Variants in RUNDC3B observed in about 807,000 individuals in gnomAD.
RUNDC3B encodes RUN domain containing 3B.
In RUNDC3B, 33 loss-of-function variants were observed where a neutral mutation model predicts 58.4. That is an observed-to-expected ratio of 0.56 (90% CI 0.43 to 0.75). RUNDC3B has a LOEUF of 0.75. RUNDC3B is among the 30% of genes least tolerant of loss of function. RUNDC3B has a pLI of 0.00. For synonymous variants in RUNDC3B, 193 were observed against 195.2 expected (o/e 0.99, Z 0.10); for missense variants, 501 against 535.7 (o/e 0.94, Z 0.64).
At chr7:87,674,231 G>A (rs1252054871) in intron 2 of RUNDC3B, among the ~76,000 whole-genome samples, 4 of 152,164 alleles carry the variant, frequency 2.6e-5, no homozygotes, top group African/African-American at 9.7e-5. Flanking sequence ...CACCCTCATT[G>A]GCTGGGGCAG....
At chr7:87,800,653 C>CAT (rs1554494660) in intron 8 of RUNDC3B, among the ~76,000 whole-genome samples, 25 of 137,592 alleles carry the variant, frequency 1.8e-4, no homozygotes, top group African/African-American at 6.6e-4. Context: ...CTTTTCTTTT[C>CAT]TTTTTTTTTT....
At chr7:87,726,309 T>C (rs573944754) in intron 4 of RUNDC3B, among the ~76,000 whole-genome samples, 4 of 152,338 alleles carry the variant, frequency 2.6e-5, no homozygotes, top group Admixed American at 1.3e-4. Flanking sequence ...TTTCTACATA[T>C]GGCTAGCCAG....
At chr7:87,828,195 G>T (rs1363348622) in intron 10 of RUNDC3B, among the ~76,000 whole-genome samples, 1 of 152,064 alleles carries the variant, frequency 6.6e-6, no homozygotes, top group Non-Finnish European at 1.5e-5. Context: ...ATTATGTTCA[G>T]TAATTATTAT....
At position 87,742,765 on chromosome 7, in the gene RUNDC3B, A is replaced by G. The variant is rs547430410; in HGVS notation, c.629+1186A>G. 2.4e-4 allele frequency among the ~76,000 whole-genome samples: 36 copies of G among 152,284 alleles called. 2 individuals are homozygous for G. The South Asian group carries it at 6.8e-3, about 29-fold the overall frequency. On this transcript the variant is annotated intron_variant, in intron 6 of 10. Coordinates refer to ENST00000394654, the MANE Select transcript of RUNDC3B (RefSeq NM_001134405.2). ...CTAAAAACTACAGATAGTGTTAAGA[A>G]TTCAAATTTTTCACCTTTCCCTCTC...
At chr7:87,782,512 T>C (rs1834983146) in intron 8 of RUNDC3B, among the ~76,000 whole-genome samples, 1 of 152,082 alleles carries the variant, frequency 6.6e-6, no homozygotes, top group African/African-American at 2.4e-5. Flanking sequence ...TTCTTCTAGC[T>C]CTGGGGTTAA....
At chr7:87,792,451 C>G (rs925326589) in intron 8 of RUNDC3B, among the ~76,000 whole-genome samples, 1 of 151,990 alleles carries the variant, frequency 6.6e-6, no homozygotes, top group African/African-American at 2.4e-5. Flanking sequence ...CAAGGATACA[C>G]CCTATGTTAA....
chr7:87,756,501 C>G (rs1833382417), intron 6 of RUNDC3B, among the ~76,000 whole-genome samples: 1 of 151,830 alleles, frequency 6.6e-6, no homozygotes, highest in South Asian at 2.1e-4. Flanking sequence ...TAAAAGGTAC[C>G]TAAATTCATT....
At chr7:87,677,853 T>C (rs911276885) in intron 2 of RUNDC3B, among the ~76,000 whole-genome samples, 2 of 152,198 alleles carry the variant, frequency 1.3e-5, no homozygotes, top group Non-Finnish European at 2.9e-5. Context: ...TGCAGGGTTT[T>C]CAACAGGAAC....
chr7:87,705,413 G>A (rs1486718319), intron 3 of RUNDC3B, among the ~76,000 whole-genome samples: 1 of 152,056 alleles, frequency 6.6e-6, no homozygotes, highest in Non-Finnish European at 1.5e-5. Context: ...GCAACAGAGC[G>A]AGACTCCATC....
At chr7:87,754,496 CT>C (rs1300054262) in intron 6 of RUNDC3B, among the ~76,000 whole-genome samples, 1 of 152,076 alleles carries the variant, frequency 6.6e-6, no homozygotes, top group Non-Finnish European at 1.5e-5. Context: ...TAGGAAAGAT[CT>C]CAAATTAACA....
At chr7:87,790,733 G>C (rs572811066) in intron 8 of RUNDC3B, among the ~76,000 whole-genome samples, 3 of 152,018 alleles carry the variant, frequency 2.0e-5, no homozygotes, top group Non-Finnish European at 4.4e-5. Context: ...TAGCAGAATT[G>C]ATCAAGCAGA....
intron 10 of RUNDC3B, 104 bp from the exon 11 acceptor site, chr7:87,829,781 C>G: frequency 2.5e-6 from 2 of 788,840 alleles, no homozygotes; most frequent in Non-Finnish European, 4.0e-6. Context: ...GCAGTATGGT[C>G]ATTTTCACAG....
chr7:87,649,137 A>G (rs945244827), intron 1 of RUNDC3B, among the ~76,000 whole-genome samples: 13 of 152,126 alleles, frequency 8.5e-5, no homozygotes, highest in Non-Finnish European at 1.5e-4. Flanking sequence ...ATAGGATATT[A>G]CTATAAAGAG....
At chr7:87,714,758 T>C (rs1484885342) in intron 4 of RUNDC3B, among the ~76,000 whole-genome samples, 16 of 151,884 alleles carry the variant, frequency 1.1e-4, no homozygotes, top group Non-Finnish European at 1.5e-5. Context: ...CTTATCCATA[T>C]GGACAGGCAC....
At chr7:87,796,386 C>A (rs1248550222) in intron 8 of RUNDC3B, among the ~76,000 whole-genome samples, 3 of 151,854 alleles carry the variant, frequency 2.0e-5, no homozygotes, top group African/African-American at 4.8e-5. Context: ...ATGAATAAGA[C>A]CTAGTATTTG....
chr7:87,731,299 A>G (rs1831562409), intron 4 of RUNDC3B, among the ~76,000 whole-genome samples: 1 of 152,186 alleles, frequency 6.6e-6, no homozygotes, highest in East Asian at 1.9e-4. Context: ...AAAACAATAA[A>G]TTAAGGCTTA....
intron 9 of RUNDC3B, among the ~76,000 whole-genome samples, chr7:87,810,430 CTGTT>C (rs1836653367): frequency 1.3e-5 from 2 of 152,132 alleles, no homozygotes; most frequent in African/African-American, 2.4e-5. Context: ...TGAAACCTGG[CTGTT>C]TGTTACAAAA....
chr7:87,774,865 T>C (rs1234793854), intron 7 of RUNDC3B, among the ~76,000 whole-genome samples: 1 of 152,210 alleles, frequency 6.6e-6, no homozygotes, highest in Admixed American at 6.5e-5. Flanking sequence ...GTGATGATGT[T>C]GTAACACAGT....
intron 3 of RUNDC3B, among the ~76,000 whole-genome samples, chr7:87,710,289 A>G (rs954128776): frequency 6.6e-6 from 1 of 152,174 alleles, no homozygotes; most frequent in Non-Finnish European, 1.5e-5. Context: ...CATGTAATTC[A>G]AAAGAAGTCT....
Sources: allele counts gnomAD v4.1 joint callset (sites outside exome capture counted in the v4.1 genomes callset), GRCh38; gene constraint gnomAD v4.1.1; transcripts MANE v1.5; gene names NCBI Gene and HGNC (gene_info 2026-07-23, HGNC 2026-07-21).